The following DENND1A variants were observed in gnomAD, a reference collection of about 807,000 sequenced individuals.
The protein encoded by DENND1A is DENN domain containing 1A.
Under a neutral mutation model 113.7 loss-of-function variants are expected in DENND1A, and 51 were observed. That is an observed-to-expected ratio of 0.45 (90% CI 0.36 to 0.57). The LOEUF is 0.57. Ranked by LOEUF, DENND1A falls within the 20% of genes least tolerant of loss-of-function variation. DENND1A has a pLI of 0.00. For missense variants in DENND1A, 1,258 were observed against 1,395.9 expected (o/e 0.90, Z 1.57); for synonymous variants, 565 against 570.8 (o/e 0.99, Z 0.14).
chr9:123,477,069 C>T (rs1042946327), intron 13 of DENND1A, among the ~76,000 whole-genome samples: 3 of 152,202 alleles, frequency 2.0e-5, no homozygotes, highest in African/African-American at 7.2e-5. Flanking sequence ...TCACTACTCT[C>T]CATTTTCAGA....
chr9:123,922,363 A>G (rs1856415264), intron 1 of DENND1A, among the ~76,000 whole-genome samples: 1 of 152,244 alleles, frequency 6.6e-6, no homozygotes, highest in Non-Finnish European at 1.5e-5. Flanking sequence ...TATCAGTAAA[A>G]AAGTGAGCAT....
intron 5 of DENND1A, among the ~76,000 whole-genome samples, chr9:123,757,324 G>C (rs891736123): frequency 6.6e-6 from 1 of 152,160 alleles, no homozygotes; most frequent in South Asian, 2.1e-4. Context: ...AAGATGTCCT[G>C]AGCTACAGAC....
At chr9:123,770,491 T>C (rs965283809) in intron 3 of DENND1A, among the ~76,000 whole-genome samples, 1 of 152,214 alleles carries the variant, frequency 6.6e-6, no homozygotes, top group Non-Finnish European at 1.5e-5. Flanking sequence ...GCTAACCACA[T>C]AGACAGGTAG....
At chr9:123,918,379 T>C (rs1373052452) in intron 1 of DENND1A, among the ~76,000 whole-genome samples, 3 of 151,250 alleles carry the variant, frequency 2.0e-5, no homozygotes, top group Non-Finnish European at 4.4e-5. Flanking sequence ...TCCCAGCTAC[T>C]CGGGAGGCTG....
rs187416658 is a variant in DENND1A at position 123,690,431 on chromosome 9, T to C, written c.303-13642A>G. Among the ~76,000 whole-genome samples the C allele has an allele frequency of 1.5e-3, 224 of 152,284 alleles. 1 individual carries two copies. Among genetic ancestry groups the C allele is most frequent in the African/African-American group, 5.3e-3 (220 of 41,564 alleles). ...TGAAAGCAACCTAAATGTATAATAA[T>C]AGAATGATTACAATATATTATGAAC... On this transcript the variant is annotated intron_variant, in intron 5 of 23. Coordinates refer to ENST00000394215, the MANE Select transcript of DENND1A (RefSeq NM_001352964.2).
chr9:123,504,414 G>A (rs1211768074), intron 13 of DENND1A, among the ~76,000 whole-genome samples: 1 of 152,182 alleles, frequency 6.6e-6, no homozygotes, highest in Non-Finnish European at 1.5e-5. Flanking sequence ...GGCCTGCACG[G>A]GATGCATGCT....
intron 13 of DENND1A, among the ~76,000 whole-genome samples, chr9:123,502,442 T>C (rs2052571247): frequency 6.6e-6 from 1 of 152,238 alleles, no homozygotes; most frequent in African/African-American, 2.4e-5. Context: ...CCTGAATGAT[T>C]AGTGATGAAC....
intron 13 of DENND1A, among the ~76,000 whole-genome samples, chr9:123,469,818 A>G (rs1249815018): frequency 6.6e-6 from 1 of 152,170 alleles, no homozygotes; most frequent in Non-Finnish European, 1.5e-5. Flanking sequence ...TCTCCATTTT[A>G]CAGATAAGGA....
intron 15 of DENND1A, among the ~76,000 whole-genome samples, chr9:123,455,537 G>T (rs2132846940): frequency 6.6e-6 from 1 of 152,266 alleles, no homozygotes; most frequent in South Asian, 2.1e-4. Context: ...ATGTCCTCTG[G>T]AGGCTTCTCC....
intron 13 of DENND1A, among the ~76,000 whole-genome samples, chr9:123,546,392 C>T (rs1331877861): frequency 6.8e-6 from 1 of 147,808 alleles, no homozygotes; most frequent in Non-Finnish European, 1.5e-5. Context: ...ACTAAAAATA[C>T]AAAAAAAAAA....
intron 1 of DENND1A, among the ~76,000 whole-genome samples, chr9:123,887,654 AGAGT>A (rs1234000710): frequency 2.6e-5 from 4 of 151,792 alleles, no homozygotes; most frequent in Admixed American, 1.3e-4. Context: ...GAGGCTTCCC[AGAGT>A]GAGTGGGAGT....
At chr9:123,803,020 C>T (rs1834961747) in intron 2 of DENND1A, among the ~76,000 whole-genome samples, 1 of 152,120 alleles carries the variant, frequency 6.6e-6, no homozygotes, top group Non-Finnish European at 1.5e-5. Context: ...TGCCTTTGAT[C>T]CACCTCAGGT....
At chr9:123,588,221 G>A (rs2059276645) in intron 11 of DENND1A, among the ~76,000 whole-genome samples, 1 of 144,324 alleles carries the variant, frequency 6.9e-6, no homozygotes, top group Admixed American at 7.2e-5. Context: ...GTTGCAGTGA[G>A]CCGAGATTCA....
intron 1 of DENND1A, among the ~76,000 whole-genome samples, chr9:123,896,058 G>C (rs549127508): frequency 6.6e-6 from 1 of 152,130 alleles, no homozygotes; most frequent in South Asian, 2.1e-4. Flanking sequence ...GCTCACATCT[G>C]TAATTCTAGC....
intron 11 of DENND1A, among the ~76,000 whole-genome samples, chr9:123,587,209 A>G (rs2059218002): frequency 6.6e-6 from 1 of 152,180 alleles, no homozygotes; most frequent in Non-Finnish European, 1.5e-5. Context: ...ATGGGGATGA[A>G]GTAATTCTTT....
At chr9:123,392,142 C>A (rs553555114) in intron 21 of DENND1A, among the ~76,000 whole-genome samples, 20 of 152,276 alleles carry the variant, frequency 1.3e-4, no homozygotes, top group African/African-American at 4.6e-4. Context: ...ATGTCAGAGA[C>A]ACGGCGTCAG....
At chr9:123,739,917 T>G (rs1385966288) in intron 5 of DENND1A, among the ~76,000 whole-genome samples, 1 of 129,930 alleles carries the variant, frequency 7.7e-6, no homozygotes, top group African/African-American at 3.0e-5. Flanking sequence ...CCCTGGTACA[T>G]AGGAGAAAAA....
intron 5 of DENND1A, among the ~76,000 whole-genome samples, chr9:123,732,160 G>A (rs989657625): frequency 2.4e-4 from 36 of 152,242 alleles, no homozygotes; most frequent in Admixed American, 1.8e-3. Context: ...CATACGCTTG[G>A]CAACATACAC....
chr9:123,415,420 C>T (rs1288999309), intron 19 of DENND1A, among the ~76,000 whole-genome samples: 1 of 152,150 alleles, frequency 6.6e-6, no homozygotes, highest in Non-Finnish European at 1.5e-5. Context: ...GCATTGAAGA[C>T]CCTCCACCCT....
Sources: allele counts gnomAD v4.1 joint callset (sites outside exome capture counted in the v4.1 genomes callset), GRCh38; gene constraint gnomAD v4.1.1; transcripts MANE v1.5; gene names NCBI Gene and HGNC (gene_info 2026-07-23, HGNC 2026-07-21).